The following ROCK2 variants were observed in gnomAD, a reference collection of about 807,000 sequenced individuals.
The protein encoded by ROCK2 is rho-associated protein kinase 2.
ROCK2 carries 61 observed loss-of-function variants against 195.1 expected under a neutral mutation model. The ratio of observed to expected loss-of-function variants is 0.31; its 90% CI spans 0.25 to 0.39. The LOEUF (loss-of-function observed/expected upper bound fraction) is 0.39, where lower values mean the gene tolerates loss of function less well. ROCK2 is among the 10% of genes least tolerant of loss of function. The pLI, the probability that ROCK2 is intolerant of heterozygous loss-of-function variation, is 1.00. For missense variants in ROCK2, 1,109 were observed against 1,637.4 expected (o/e 0.68, Z 5.57); for synonymous variants, 504 against 545.5 (o/e 0.92, Z 1.06).
chr2:11,188,395 C>T (rs1663283959), intron 32 of ROCK2, among the ~76,000 whole-genome samples: 1 of 151,954 alleles, frequency 6.6e-6, no homozygotes, highest in African/African-American at 2.4e-5. Context: ...CAGGTGTGAG[C>T]CACCGCGCCC....
chr2:11,282,086 C>T (rs1192736512), intron 3 of ROCK2, among the ~76,000 whole-genome samples: 2 of 152,170 alleles, frequency 1.3e-5, no homozygotes, highest in Non-Finnish European at 2.9e-5. Flanking sequence ...TGCAGTGGCT[C>T]GCACCTGTAA....
intron 6 of ROCK2, among the ~76,000 whole-genome samples, chr2:11,225,843 G>A (rs142757059): frequency 6.6e-6 from 1 of 152,074 alleles, no homozygotes; most frequent in Non-Finnish European, 1.5e-5. Flanking sequence ...CACTTTGAAA[G>A]GCCCAAAATA....
At chr2:11,271,079 T>C (rs1666610983) in intron 3 of ROCK2, among the ~76,000 whole-genome samples, 1 of 152,236 alleles carries the variant, frequency 6.6e-6, no homozygotes, top group Admixed American at 6.5e-5. Flanking sequence ...CTGTGAACTT[T>C]AAATGTGCTT....
chr2:11,317,576 T>C (rs1226114225), intron 1 of ROCK2, among the ~76,000 whole-genome samples: 1 of 29,584 alleles, frequency 3.4e-5, no homozygotes, highest in Admixed American at 5.4e-4. Context: ...ATCTACACAT[T>C]TATATATATA....
chr2:11,317,598 A>ATTTTT (rs1668249361), intron 1 of ROCK2, among the ~76,000 whole-genome samples: 1 of 15,772 alleles, frequency 6.3e-5, no homozygotes, highest in African/African-American at 2.0e-4. Context: ...ATATATATAT[A>ATTTTT]TATATATATA....
intron 1 of ROCK2, among the ~76,000 whole-genome samples, chr2:11,296,990 T>C (rs1426837023): frequency 1.3e-5 from 2 of 152,138 alleles, no homozygotes; most frequent in Non-Finnish European, 2.9e-5. Context: ...TTTAAGACAG[T>C]TAAAATCTGG....
chr2:11,215,047 T>A lies in ROCK2; in HGVS notation c.1729A>T (p.Thr577Ser), dbSNP rs1664377683. Residue 577 changes from threonine (T) to serine (S), a missense_variant, in exon 16 of 33, where the codon ACT becomes TCT. Transcript: ENST00000315872. ...TNALLRTESDTAARLRKTQAE... is the reference protein window; with the variant it reads ...TNALLRTESDSAARLRKTQAE... Reference sequence around the variant, plus strand: ...TGGGTTTTCCTTAACCGGGCTGCAGTATCAGACTCTGTTCGCAGTAAAGCA... The same window carrying A: ...TGGGTTTTCCTTAACCGGGCTGCAGAATCAGACTCTGTTCGCAGTAAAGCA... 1 of 1,614,118 alleles carries A rather than the reference T, an allele frequency of 6.2e-7. No individual in the cohort carries two copies. The highest frequency in any genetic ancestry group is 8.5e-7 in the Non-Finnish European group (1 of 1,179,982).
chr2:11,254,507 A>G (rs1665950346), intron 3 of ROCK2, among the ~76,000 whole-genome samples: 1 of 152,160 alleles, frequency 6.6e-6, no homozygotes, highest in Non-Finnish European at 1.5e-5. Flanking sequence ...AAAGCAGTCC[A>G]GGTTTATTAG....
chr2:11,280,230 G>A (rs1304192050), intron 3 of ROCK2, among the ~76,000 whole-genome samples: 1 of 152,026 alleles, frequency 6.6e-6, no homozygotes, highest in Non-Finnish European at 1.5e-5. Context: ...CAATAATATT[G>A]ATAAGGCTCT....
At chr2:11,186,820 T>C (rs1160223409) in intron 32 of ROCK2, among the ~76,000 whole-genome samples, 8 of 152,206 alleles carry the variant, frequency 5.3e-5, no homozygotes, top group African/African-American at 1.9e-4. Context: ...CCCTTATTTG[T>C]CTGCTTGTAA....
rs1662971306 is a variant in ROCK2, at chr2:11,181,181, A to ATATATAT, written c.*2255_*2256insATATATA. Reference sequence around the variant, plus strand: ...TTTCACCTTAATAAAGTTTATTAAAAATATATATATATATATATATATATA... The same window carrying ATATATAT: ...TTTCACCTTAATAAAGTTTATTAAAATATATATATATATATATATATATATATATATA... On this transcript the variant is annotated 3_prime_UTR_variant, in exon 33 of 33. Coordinates refer to ENST00000315872, the MANE Select transcript of ROCK2 (RefSeq NM_004850.5). 1 of 136,160 alleles carries ATATATAT rather than the reference A, an allele frequency of 7.3e-6. No homozygotes were observed. The highest frequency in any genetic ancestry group is 7.6e-5 in the Admixed American group (1 of 13,224). 8.4% of individuals were successfully genotyped at this position (136,160 alleles called of 1,614,324 possible). A position where few individuals can be genotyped will look rare whatever the true frequency, so the allele number is the denominator to read the frequency against.
intron 32 of ROCK2, among the ~76,000 whole-genome samples, chr2:11,185,926 T>A (rs1558271426): frequency 1.3e-5 from 2 of 152,192 alleles, no homozygotes; most frequent in East Asian, 3.8e-4. Context: ...TTAGTGTATA[T>A]GATTTACCTA....
chr2:11,281,704 T>C (rs1667010063), intron 3 of ROCK2, among the ~76,000 whole-genome samples: 1 of 152,138 alleles, frequency 6.6e-6, no homozygotes. Context: ...AATTCCTGTA[T>C]ATGAGCAATG....
At chr2:11,308,593 T>C in intron 1 of ROCK2, 1 of 1,495,964 alleles carries the variant, frequency 6.7e-7, no homozygotes, top group South Asian at 1.1e-5. Context: ...ATATTACAGT[T>C]AGTGTAAAGG....
chr2:11,226,717 G>T (rs1438133463), intron 6 of ROCK2, among the ~76,000 whole-genome samples: 1 of 151,794 alleles, frequency 6.6e-6, no homozygotes, highest in East Asian at 1.9e-4. Context: ...TTTGAAACTA[G>T]CCTGGGCAAC....
intron 1 of ROCK2, among the ~76,000 whole-genome samples, chr2:11,302,011 G>C (rs1334806714): frequency 6.6e-6 from 1 of 151,822 alleles, no homozygotes; most frequent in Non-Finnish European, 1.5e-5. Context: ...TCACCATGTT[G>C]ACTAGGCTGG....
At chr2:11,321,271 G>A (rs550297547) in intron 1 of ROCK2, among the ~76,000 whole-genome samples, 4 of 152,146 alleles carry the variant, frequency 2.6e-5, no homozygotes, top group Admixed American at 6.5e-5. Flanking sequence ...CGCCTCCAAC[G>A]TTCAAGCGAT....
At chr2:11,284,871 T>G (rs1203186807) in intron 3 of ROCK2, among the ~76,000 whole-genome samples, 1 of 152,244 alleles carries the variant, frequency 6.6e-6, no homozygotes, top group Non-Finnish European at 1.5e-5. Flanking sequence ...TTCTGAATTT[T>G]GGCTCATCAC....
chr2:11,286,677 A>G (rs1667204669), intron 2 of ROCK2, 38 bp from the exon 3 acceptor site: 1 of 1,072,310 alleles, frequency 9.3e-7, no homozygotes, highest in African/African-American at 1.6e-5. Flanking sequence ...AATATCAATC[A>G]TATTTATATT....
Sources: gnomAD v4.1 joint callset for allele counts (sites outside exome capture counted in the v4.1 genomes callset) on GRCh38, gnomAD v4.1.1 for gene constraint, MANE v1.5 for transcripts, NCBI Gene and HGNC (gene_info 2026-07-23, HGNC 2026-07-21) for gene names.